PERP: variants seen among roughly 807,000 people sequenced by gnomAD.
The protein encoded by PERP is p53 apoptosis effector related to PMP22, also known as p53 apoptosis effector related to PMP-22.
In PERP, 11 loss-of-function variants were observed where a neutral mutation model predicts 20.3. The ratio of observed to expected loss-of-function variants is 0.54; its 90% CI spans 0.34 to 0.90. The LOEUF (loss-of-function observed/expected upper bound fraction) is 0.90. PERP is among the 40% of genes least tolerant of loss of function. PERP has a pLI of 0.02. For missense variants in PERP, 224 were observed against 249.4 expected, an observed-to-expected ratio of 0.90 and a Z score of 0.69; for synonymous variants, 101 against 102.0, an observed-to-expected ratio of 0.99 and a Z score of 0.06.
intron 1 of PERP, among the ~76,000 whole-genome samples, chr6:138,106,608 T>C (rs897972949): frequency 6.6e-6 from 1 of 152,246 alleles, no homozygotes; most frequent in Admixed American, 6.5e-5. Context: ...TAGACTGAAA[T>C]ATCTATTGAA....
At position 138,092,181 on chromosome 6, in the gene PERP, A is replaced by T. The variant is rs1412338561; in HGVS notation, c.443T>A (p.Ile148Asn). 64 of 1,613,998 alleles carry T rather than the reference A, an allele frequency of 4.0e-5. No homozygotes were observed. The highest frequency in any genetic ancestry group is 5.4e-5 in the Non-Finnish European group (64 of 1,180,000). The change falls in exon 3 of 3, where the codon ATC becomes AAC. Residue 148 changes from isoleucine (I) to asparagine (N), a missense_variant. Coordinates refer to ENST00000421351, the MANE Select transcript of PERP (RefSeq NM_022121.5). ...CCCAAAGCCGTAGGCCCAGTTATAG[A>T]TGTAAGTGACAGCAGGGTTGGCATG... ...TLHANPAVTY[I>N]YNWAYGFGWA...
In PERP at chr6:138,096,470, A is replaced by G. The variant is rs747696477; in HGVS notation, c.239T>C (p.Met80Thr). 2 of 1,613,420 alleles carry G rather than the reference A, an allele frequency of 1.2e-6. No individual in the cohort carries two copies. The highest frequency in any genetic ancestry group is 4.5e-5 in the East Asian group (2 of 44,886). Residue 80 changes from methionine to threonine, a missense_variant, in exon 2 of 3, where the codon ATG (methionine) becomes ACG (threonine). Met to Thr is a moderately conservative substitution (Grantham distance 81). Transcript: ENST00000421351. Reference sequence around the variant, plus strand: ...CAGGATGATGAAGCCACAGAAGAGCATGGCAGCCGCTGCTCTACCCCACGC... The same window carrying G: ...CAGGATGATGAAGCCACAGAAGAGCGTGGCAGCCGCTGCTCTACCCCACGC... ...EYAWGRAAAA[M>T]LFCGFIILVI...
At position 138,091,183 on chromosome 6, in the gene PERP, CCCT is replaced by C. The variant is rs149410031; in HGVS notation, c.*856_*858del. On this transcript the variant is annotated 3_prime_UTR_variant, in exon 3 of 3. Transcript: ENST00000421351. ...AGTGGCACTTTTGTGACAAGAATGA[CCCT>C]CCTAATGCTTTACTACACAACTTAA... 0.083 allele frequency: 12,590 copies of C among 152,118 alleles called. 575 individuals are homozygous for C. Among genetic ancestry groups the C allele is most frequent in the Middle Eastern group, 0.16 (46 of 294 alleles). The allele number at this position is 152,118 out of a possible 1,614,324, so 9.4% of individuals were successfully genotyped here. A position where few individuals can be genotyped will look rare whatever the true frequency, so the allele number is the denominator to read the frequency against.
At chr6:138,099,126 T>C (rs1775737858) in intron 1 of PERP, among the ~76,000 whole-genome samples, 1 of 152,202 alleles carries the variant, frequency 6.6e-6, no homozygotes, top group African/African-American at 2.4e-5. Flanking sequence ...CTCCTTAAAA[T>C]GATACTGATT....
At chr6:138,099,904 G>T (rs754846476) in intron 1 of PERP, among the ~76,000 whole-genome samples, 2 of 152,152 alleles carry the variant, frequency 1.3e-5, no homozygotes, top group Non-Finnish European at 2.9e-5. Flanking sequence ...TATTTAAAGT[G>T]CTGAGTCTAA....
intron 2 of PERP, among the ~76,000 whole-genome samples, chr6:138,093,835 T>C (rs1289451684): frequency 3.9e-5 from 6 of 152,326 alleles, no homozygotes; most frequent in South Asian, 4.1e-4. Context: ...TTATTCAGCA[T>C]TACTACTAAA....
chr6:138,099,143 C>A (rs1463787718), intron 1 of PERP, among the ~76,000 whole-genome samples: 2 of 152,146 alleles, frequency 1.3e-5, no homozygotes, highest in East Asian at 1.9e-4. Context: ...GATTCCTGTG[C>A]CTCCCTCCAG....
chr6:138,097,699 CAG>C (rs1775716519), intron 1 of PERP, among the ~76,000 whole-genome samples: 1 of 152,138 alleles, frequency 6.6e-6, no homozygotes, highest in Non-Finnish European at 1.5e-5. Flanking sequence ...ATGGTTTAGA[CAG>C]AGTTTGATTT....
At chr6:138,093,102 G>A (rs1008766378) in intron 2 of PERP, among the ~76,000 whole-genome samples, 3 of 152,134 alleles carry the variant, frequency 2.0e-5, no homozygotes, top group African/African-American at 4.8e-5. Flanking sequence ...GTCTACTTTC[G>A]TGGTCTTTTT....
In PERP at chr6:138,092,112, CAGA is replaced by C. The variant is rs763397179; in HGVS notation, c.509_511del (p.Phe170del). 7.4e-6 allele frequency: 12 copies of C among 1,613,924 alleles called. No individual in the cohort carries two copies. Among genetic ancestry groups the C allele is most frequent in the South Asian group, 1.1e-5 (1 of 91,080 alleles). On this transcript the variant is annotated inframe_deletion, in exon 3 of 3. Transcript: ENST00000421351. ...GTCATCTTCGTAGTTGGGGAGGCAG[CAGA>C]AGAAGAAGGCACAGCCAATCAGGAT...
intron 1 of PERP, among the ~76,000 whole-genome samples, chr6:138,104,113 C>T (rs1267550202): frequency 2.0e-5 from 3 of 152,180 alleles, no homozygotes; most frequent in Admixed American, 6.5e-5. Context: ...TACACAGCTG[C>T]GGCTGAAAAT....
Position 138,101,285 on chromosome 6 carries a change from G to A in PERP, c.215-4791C>T, listed in dbSNP as rs192230205. ...TTCAGGAGGCTGAGGCATGAGAATC[G>A]CTTGCACCTGGGAGGCAGAGGTTGC... On this transcript the variant is annotated intron_variant, in intron 1 of 2. Coordinates refer to ENST00000421351, the MANE Select transcript of PERP (RefSeq NM_022121.5). Among the ~76,000 whole-genome samples the A allele has an allele frequency of 1.3e-4, 20 of 152,208 alleles. No individual in the cohort carries two copies. The East Asian group carries it at 1.9e-3, about 15-fold the overall frequency.
chr6:138,092,261 G>T lies in PERP; in HGVS notation c.363C>A (p.Phe121Leu). 1 of 1,613,506 alleles carries T rather than the reference G, an allele frequency of 6.2e-7. No homozygotes were observed. The highest frequency in any genetic ancestry group is 1.1e-5 in the South Asian group (1 of 91,024). The change falls in exon 3 of 3, where the codon TTC (phenylalanine) becomes TTA (leucine). Residue 121 changes from phenylalanine to leucine, a missense_variant. By Grantham distance (22) the Phe-to-Leu change is conservative. Transcript: ENST00000421351. ...GGTAAATTACCAGGGAGATGATCTG[G>T]AACACAGCTAAAGGGAAGAAAAAAA... ...IGGLLALAAV[F>L]QIISLVIYPV...
chr6:138,096,297 T>C (rs1775690455), intron 2 of PERP, 57 bp downstream of exon 2: 1 of 1,593,626 alleles, frequency 6.3e-7, no homozygotes, highest in South Asian at 1.1e-5. Context: ...AATTGACCAT[T>C]ACTAAGTCGA....
Position 138,096,270 on chromosome 6 carries a change from A to G in PERP, c.355+84T>C, listed in dbSNP as rs1775689748. 5.3e-6 allele frequency: 8 copies of G among 1,496,372 alleles called. No homozygotes were observed. In the Admixed American group the frequency reaches 1.6e-4, roughly 29 times the overall value. The allele number at this position is 1,496,372 out of a possible 1,614,324, so 92.7% of individuals were successfully genotyped here. The stretch of plus-strand genomic sequence containing the variant: ...GAACAGATTAGAAACTGTAACAGTC[A>G]CGGGTCTTCTTTGTGGAATTGACCA... On this transcript the variant is annotated intron_variant, in intron 2 of 2. Transcript: ENST00000421351.
In PERP at chr6:138,107,334, G is replaced by A. The variant is rs1775862194; in HGVS notation, c.7C>T (p.Arg3Cys). The A allele has an allele frequency of 6.3e-7, 1 of 1,595,048 alleles. No homozygotes were observed. The highest frequency in any genetic ancestry group is 8.5e-7 in the Non-Finnish European group (1 of 1,174,164). Reference sequence around the variant, plus strand: ...CAGCGCTCGCAGGCCAGGCCGCAGCGGATCATGTTGACGGGCGGCGCGGGG... The same window carrying A: ...CAGCGCTCGCAGGCCAGGCCGCAGCAGATCATGTTGACGGGCGGCGCGGGG... MIRCGLACERCRW... is the reference protein window; with the variant it reads MICCGLACERCRW... The change falls in exon 1 of 3, where the codon CGC (arginine) becomes TGC (cysteine). Residue 3 changes from arginine to cysteine, a missense_variant. Transcript: ENST00000421351. This position sits in a 1 kb window ranked among gnomAD's most constrained non-coding sequence, Gnocchi z 4.8.
intron 1 of PERP, among the ~76,000 whole-genome samples, chr6:138,106,861 C>A (rs1472362390): frequency 6.7e-6 from 1 of 149,770 alleles, no homozygotes; most frequent in African/African-American, 2.5e-5. Flanking sequence ...CGTACGTAAC[C>A]GACAAAACCC....
rs2114326414 is a variant in PERP at position 138,091,425 on chromosome 6, G to T, written c.*617C>A. On this transcript the variant is annotated 3_prime_UTR_variant, in exon 3 of 3. Transcript: ENST00000421351. ...AACTATGGCAACAGGTTTGGACCAT[G>T]AAATAGTACTTTCCTAGATGACATA... 6.6e-6 allele frequency: 1 copy of T among 152,354 alleles called. No individual in the cohort carries two copies. The allele number at this position is 152,354 out of a possible 1,614,324, so 9.4% of individuals were successfully genotyped here.
chr6:138,103,437 C>A (rs952568037), intron 1 of PERP, among the ~76,000 whole-genome samples: 1 of 152,108 alleles, frequency 6.6e-6, no homozygotes, highest in African/African-American at 2.4e-5. Flanking sequence ...TAGGCGTGAG[C>A]CACCACACCC....
Sources: gnomAD v4.1 joint callset for allele counts (sites outside exome capture counted in the v4.1 genomes callset) on GRCh38, gnomAD v4.1.1 for gene constraint, Gnocchi (gnomAD v3.1) non-coding constraint, MANE v1.5 for transcripts, NCBI Gene and HGNC (gene_info 2026-07-23, HGNC 2026-07-21) for gene names.